SOX5: variants seen among roughly 807,000 people sequenced by gnomAD.
SOX5 encodes the protein SRY-box transcription factor 5.
A neutral mutation model predicts 92.0 loss-of-function variants in SOX5; 9 were observed. That is an observed-to-expected ratio of 0.10 (90% confidence interval 0.06 to 0.17). The LOEUF (loss-of-function observed/expected upper bound fraction) is 0.17, where lower values mean the gene tolerates loss of function less well. SOX5 is among the 10% of genes least tolerant of loss of function. The pLI is 1.00. For missense variants in SOX5, 642 were observed against 944.5 expected, an observed-to-expected ratio of 0.68 and a Z score of 4.20; for synonymous variants, 344 against 336.3, an observed-to-expected ratio of 1.02 and a Z score of -0.25.
At chr12:24,334,407 A>G (rs1951667889) in intron 2 of SOX5, among the ~76,000 whole-genome samples, 1 of 152,196 alleles carries the variant, frequency 6.6e-6, no homozygotes, top group African/African-American at 2.4e-5. Context: ...TGTGAACAGA[A>G]AATTCACAGA....
chr12:24,484,563 G>A (rs1946327334), intron 1 of SOX5, among the ~76,000 whole-genome samples: 1 of 152,118 alleles, frequency 6.6e-6, no homozygotes, highest in African/African-American at 2.4e-5. Context: ...GTTTGTGTGT[G>A]GGTTTGTGTT....
intron 4 of SOX5, among the ~76,000 whole-genome samples, chr12:24,053,376 C>T (rs1370088530): frequency 4.6e-5 from 7 of 152,090 alleles, no homozygotes; most frequent in East Asian, 3.9e-4. Flanking sequence ...GTGATCTGCC[C>T]GCCTCGGGCT....
At chr12:24,331,769 G>T (rs918742180) in intron 2 of SOX5, among the ~76,000 whole-genome samples, 8 of 143,298 alleles carry the variant, frequency 5.6e-5, no homozygotes, top group African/African-American at 2.1e-4. Flanking sequence ...AATCCCTTGA[G>T]CCCAGGGGGC....
chr12:24,270,180 C>G (rs1285051870), intron 3 of SOX5, among the ~76,000 whole-genome samples: 1 of 152,016 alleles, frequency 6.6e-6, no homozygotes, highest in African/African-American at 2.4e-5. Context: ...TCTGCCTTAG[C>G]CTCCCGAGTG....
chr12:24,431,602 G>A (rs1162841219), intron 1 of SOX5, among the ~76,000 whole-genome samples: 1 of 152,036 alleles, frequency 6.6e-6, no homozygotes, highest in East Asian at 1.9e-4. Flanking sequence ...ACAGTTTAAA[G>A]TGTGCAATAC....
intron 11 of SOX5, among the ~76,000 whole-genome samples, chr12:23,556,929 G>T (rs1028678934): frequency 1.3e-5 from 2 of 152,194 alleles, no homozygotes; most frequent in African/African-American, 4.8e-5. Context: ...CGAAGCATCA[G>T]GAAAGAATGA....
chr12:23,542,641 G>A (rs543852216), intron 13 of SOX5, among the ~76,000 whole-genome samples: 2 of 152,238 alleles, frequency 1.3e-5, no homozygotes, highest in East Asian at 1.9e-4. Flanking sequence ...TAGTACTTAA[G>A]GTTACTAAAA....
intron 2 of SOX5, among the ~76,000 whole-genome samples, chr12:24,287,083 A>G (rs867044013): frequency 6.6e-6 from 1 of 152,188 alleles, no homozygotes; most frequent in African/African-American, 2.4e-5. Flanking sequence ...TAGTCCCCGA[A>G]GTTCAGGTGG....
rs193219002 is a variant in SOX5, at chr12:24,406,645, T to C, written c.-250-38006A>G. ...GTAGATCTTCTGATATTAAATTAAC[T>C]TTGAAGCTATGATTATGATTTGATA... On this transcript the variant is annotated intron_variant, in intron 1 of 4. Coordinates refer to the SOX5 transcript ENST00000446891. 4.2e-4 allele frequency among the ~76,000 whole-genome samples: 64 copies of C among 152,258 alleles called. 1 individual carries two copies. The highest frequency in any genetic ancestry group is 7.2e-4 in the Admixed American group (11 of 15,302).
intron 8 of SOX5, among the ~76,000 whole-genome samples, chr12:23,608,942 C>T (rs1022261204): frequency 3.9e-5 from 6 of 152,102 alleles, no homozygotes; most frequent in African/African-American, 1.2e-4. Context: ...TAAGTCAAGA[C>T]TGATAAACAG....
intron 4 of SOX5, among the ~76,000 whole-genome samples, chr12:24,153,345 C>G (rs1042988405): frequency 6.6e-6 from 1 of 152,068 alleles, no homozygotes; most frequent in Non-Finnish European, 1.5e-5. Context: ...AAAGCAAGAC[C>G]AGATTTACTG....
At chr12:24,537,224 T>C (rs1194458389) in intron 1 of SOX5, among the ~76,000 whole-genome samples, 1 of 152,238 alleles carries the variant, frequency 6.6e-6, no homozygotes, top group Non-Finnish European at 1.5e-5. Context: ...AACAGAATTA[T>C]TCTGCAACTG....
intron 3 of SOX5, among the ~76,000 whole-genome samples, chr12:23,771,128 G>C (rs1455051935): frequency 7.1e-6 from 1 of 141,286 alleles, no homozygotes; most frequent in African/African-American, 2.6e-5. Context: ...TTCTTATCTA[G>C]AAGGAGCTTT....
chr12:24,280,052 A>C (rs544953313), intron 2 of SOX5, among the ~76,000 whole-genome samples: 36 of 152,208 alleles, frequency 2.4e-4, no homozygotes, highest in Admixed American at 8.5e-4. Context: ...GGGACTGTGA[A>C]TCTAATGGAC....
At chr12:24,263,121 G>C (rs1384016588) in intron 3 of SOX5, among the ~76,000 whole-genome samples, 1 of 152,102 alleles carries the variant, frequency 6.6e-6, no homozygotes, top group African/African-American at 2.4e-5. Context: ...AGCTACTCAA[G>C]AGGCTGAGAC....
chr12:23,617,174 C>T (rs1004040358), intron 8 of SOX5, among the ~76,000 whole-genome samples: 2 of 148,800 alleles, frequency 1.3e-5, no homozygotes, highest in African/African-American at 4.9e-5. Context: ...GATAAGCCAT[C>T]AGGGGAAAAA....
chr12:24,088,992 G>A (rs572389852), intron 4 of SOX5, among the ~76,000 whole-genome samples: 3 of 152,046 alleles, frequency 2.0e-5, no homozygotes, highest in East Asian at 3.9e-4. Flanking sequence ...TGCCTGAGAC[G>A]CCTACAATAA....
At chr12:24,519,668 G>T (rs1597534706) in intron 1 of SOX5, among the ~76,000 whole-genome samples, 2 of 152,176 alleles carry the variant, frequency 1.3e-5, no homozygotes, top group Admixed American at 1.3e-4. Flanking sequence ...GGTTCAACAG[G>T]CAGGGGAATA....
At chr12:24,373,954 T>C (rs1381659748) in intron 1 of SOX5, among the ~76,000 whole-genome samples, 1 of 152,166 alleles carries the variant, frequency 6.6e-6, no homozygotes, top group Non-Finnish European at 1.5e-5. Flanking sequence ...TTGGAAATCT[T>C]AGATAACAAA....
Sources: gnomAD v4.1 joint callset for allele counts (sites outside exome capture counted in the v4.1 genomes callset) on GRCh38, gnomAD v4.1.1 for gene constraint, MANE v1.5 for transcripts, NCBI Gene and HGNC (gene_info 2026-07-23, HGNC 2026-07-21) for gene names.